PLXDC1: variants seen among roughly 807,000 people sequenced by gnomAD.
PLXDC1 encodes the protein plexin domain-containing protein 1.
Under a neutral mutation model 61.3 loss-of-function variants are expected in PLXDC1, and 39 were observed. The observed-to-expected ratio is 0.64, with a 90% CI of 0.49 to 0.83. PLXDC1 has a LOEUF of 0.83. PLXDC1 is among the 40% of genes least tolerant of loss of function. The pLI, the probability that PLXDC1 is intolerant of heterozygous loss-of-function variation, is 0.00. For synonymous variants in PLXDC1, 212 were observed against 254.5 expected (o/e 0.83, Z 1.59); for missense variants, 596 against 666.5 (o/e 0.89, Z 1.17).
intron 7 of PLXDC1, among the ~76,000 whole-genome samples, chr17:39,098,190 A>C (rs1247781554): frequency 7.5e-6 from 1 of 133,882 alleles, no homozygotes; most frequent in Non-Finnish European, 1.6e-5. Flanking sequence ...GGGCAACAAG[A>C]GTGAAACTCC....
Position 39,083,537 on chromosome 17 carries a change from C to G in PLXDC1, c.911G>C (p.Cys304Ser). 1 of 1,611,164 alleles carries G rather than the reference C, an allele frequency of 6.2e-7. No homozygotes were observed. The highest frequency in any genetic ancestry group is 8.5e-7 in the Non-Finnish European group (1 of 1,178,690). Residue 304 changes from cysteine to serine, a missense_variant, in exon 9 of 14, where the codon TGC becomes TCC. Physicochemically the swap from Cys to Ser is moderately radical, Grantham distance 112. Transcript: ENST00000315392. ...GGCGTCACAGCTCCTATGCTGCAGGCAGGCTGCAAGAGAGAAGGCAGTGGC... is the reference window on the plus strand; with the variant it reads ...GGCGTCACAGCTCCTATGCTGCAGGGAGGCTGCAAGAGAGAAGGCAGTGGC... ...SAVEFTPLPT[C>S]LQHRSCDACM...
At chr17:39,138,686 C>T (rs954085074) in intron 2 of PLXDC1, among the ~76,000 whole-genome samples, 2 of 151,804 alleles carry the variant, frequency 1.3e-5, no homozygotes, top group Admixed American at 6.6e-5. Flanking sequence ...AGGGGCAGGA[C>T]TGCTGTTTTG....
At chr17:39,102,705 TACACACACAC>T (rs553513409) in intron 7 of PLXDC1, among the ~76,000 whole-genome samples, 4 of 136,058 alleles carry the variant, frequency 2.9e-5, no homozygotes, top group African/African-American at 8.5e-5. Context: ...TGCTATCAAA[TACACACACAC>T]ACACACACAC....
chr17:39,145,540 G>A (rs760905693), intron 1 of PLXDC1, among the ~76,000 whole-genome samples: 3 of 152,164 alleles, frequency 2.0e-5, no homozygotes, highest in Non-Finnish European at 4.4e-5. Context: ...GCCACCTAGA[G>A]GGTGAACTTG....
chr17:39,073,752 A>G (rs1909215089), intron 11 of PLXDC1, among the ~76,000 whole-genome samples: 1 of 152,252 alleles, frequency 6.6e-6, no homozygotes, highest in South Asian at 2.1e-4. Context: ...GTTAGTTGTC[A>G]CTTCTTGTGG....
intron 2 of PLXDC1, among the ~76,000 whole-genome samples, chr17:39,115,011 C>G (rs1910922932): frequency 6.6e-6 from 1 of 152,230 alleles, no homozygotes; most frequent in Admixed American, 6.5e-5. Flanking sequence ...GCGTGAGCTT[C>G]CTGGGAATGC....
chr17:39,117,421 C>A (rs1298801905), intron 2 of PLXDC1, among the ~76,000 whole-genome samples: 1 of 152,184 alleles, frequency 6.6e-6, no homozygotes, highest in East Asian at 1.9e-4. Context: ...GAAAAGTCAA[C>A]CGCAATGTCC....
chr17:39,135,637 C>T (rs2143908865), intron 2 of PLXDC1, among the ~76,000 whole-genome samples: 1 of 150,876 alleles, frequency 6.6e-6, no homozygotes, highest in Non-Finnish European at 1.5e-5. Context: ...AGAGATTACA[C>T]CACTCATTCC....
intron 2 of PLXDC1, among the ~76,000 whole-genome samples, chr17:39,133,679 C>G (rs935869573): frequency 6.6e-6 from 1 of 152,118 alleles, no homozygotes; most frequent in Non-Finnish European, 1.5e-5. Context: ...AGTGCTGTGG[C>G]GCGACCATGG....
chr17:39,152,100 C>T (rs1162926424), upstream of PLXDC1, among the ~76,000 whole-genome samples: 1 of 130,018 alleles, frequency 7.7e-6, no homozygotes, highest in East Asian at 2.8e-4. Context: ...CCAGAAATCT[C>T]CCCCTGCAGC....
At chr17:39,150,390 A>G (rs3025189) in intron 1 of PLXDC1, among the ~76,000 whole-genome samples, 3,884 of 151,764 alleles carry the variant, frequency 0.026, 161 homozygotes, top group African/African-American at 0.089. Context: ...CAACCACAGC[A>G]CTCACCTCAA....
At chr17:39,130,852 G>A (rs77368747) in intron 2 of PLXDC1, among the ~76,000 whole-genome samples, 2,363 of 151,952 alleles carry the variant, frequency 0.016, 53 homozygotes, top group African/African-American at 0.054. Context: ...ATGAGCCACC[G>A]CACCCAGCCT....
chr17:39,128,207 ATG>A (rs1224206092), intron 2 of PLXDC1, among the ~76,000 whole-genome samples: 2 of 145,048 alleles, frequency 1.4e-5, no homozygotes, highest in Non-Finnish European at 1.5e-5. Context: ...ATGTATATAT[ATG>A]TGTGTGTGTA....
intron 11 of PLXDC1, among the ~76,000 whole-genome samples, chr17:39,075,194 A>C (rs1909278555): frequency 6.6e-6 from 1 of 152,136 alleles, no homozygotes; most frequent in African/African-American, 2.4e-5. Context: ...CCTGAGCTCA[A>C]GTGATCTGCC....
At chr17:39,139,544 C>T in intron 2 of PLXDC1, 110 bp downstream of exon 2, 1 of 1,076,810 alleles carries the variant, frequency 9.3e-7, no homozygotes. Context: ...TCCTCCGGGG[C>T]CAACCCCAAA....
At chr17:39,103,523 C>A (rs2143636725) in intron 7 of PLXDC1, among the ~76,000 whole-genome samples, 1 of 151,846 alleles carries the variant, frequency 6.6e-6, no homozygotes, top group East Asian at 1.9e-4. Context: ...AGCCTGAGAC[C>A]CTGTCTCTAA....
intron 11 of PLXDC1, among the ~76,000 whole-genome samples, chr17:39,076,729 G>A (rs1314398875): frequency 1.3e-5 from 2 of 151,962 alleles, no homozygotes; most frequent in Non-Finnish European, 2.9e-5. Context: ...GTTTTGTTTT[G>A]TTTTGTGTTG....
chr17:39,077,873 C>T (rs748478066), intron 11 of PLXDC1, 40 bp downstream of exon 11: 2 of 1,611,128 alleles, frequency 1.2e-6, no homozygotes, highest in African/African-American at 2.7e-5. Context: ...GCTCTCCTTC[C>T]TGGCCTCCTC....
chr17:39,090,910 T>C (rs72821594), intron 7 of PLXDC1, among the ~76,000 whole-genome samples: 1,739 of 152,300 alleles, frequency 0.011, 42 homozygotes, highest in South Asian at 0.073. Context: ...TAGGACGGCA[T>C]ATTTCTTGTC....
Sources: allele counts gnomAD v4.1 joint callset (sites outside exome capture counted in the v4.1 genomes callset), GRCh38; gene constraint gnomAD v4.1.1; transcripts MANE v1.5; gene names NCBI Gene and HGNC (gene_info 2026-07-23, HGNC 2026-07-21).